The following RAB11A variants were observed in gnomAD, a reference collection of about 807,000 sequenced individuals.
RAB11A encodes ras-related protein Rab-11A.
RAB11A carries 9 observed loss-of-function variants against 28.0 expected under a neutral mutation model. That is an observed-to-expected ratio of 0.32 (90% CI 0.19 to 0.56). The LOEUF is 0.56. RAB11A is among the 20% of genes least tolerant of loss of function. RAB11A has a pLI of 0.91. For synonymous variants in RAB11A, 85 were observed against 88.2 expected (o/e 0.96, Z 0.20); for missense variants, 108 against 269.6 (o/e 0.40, Z 4.20).
At chr15:65,886,909 T>G (rs1405997903) in intron 4 of RAB11A, among the ~76,000 whole-genome samples, 1 of 152,242 alleles carries the variant, frequency 6.6e-6, no homozygotes, top group African/African-American at 2.4e-5. Context: ...AATTACAATT[T>G]AAGTTTTGTT....
intron 4 of RAB11A, among the ~76,000 whole-genome samples, chr15:65,880,178 T>A (rs1263628769): frequency 2.0e-5 from 3 of 152,204 alleles, no homozygotes; most frequent in Non-Finnish European, 4.4e-5. Context: ...AATTCTCCCA[T>A]GATACAGAAG....
At position 65,887,875 on chromosome 15, in the gene RAB11A, G is replaced by T; in HGVS notation, c.*35G>T. 6.7e-7 allele frequency: 1 copy of T among 1,501,040 alleles called. No homozygotes were observed. Among genetic ancestry groups the T allele is most frequent in the Non-Finnish European group, 8.9e-7 (1 of 1,124,096 alleles). 93.0% of individuals were successfully genotyped at this position (1,501,040 alleles called of 1,614,324 possible). The stretch of plus-strand genomic sequence containing the variant: ...CTTCTCCCCTAGAAGGCTGTGTATA[G>T]TCCATTTCCCAGGTCTGAGATTTAA... On this transcript the variant is annotated 3_prime_UTR_variant, in exon 5 of 5. Transcript: ENST00000261890.
chr15:65,876,531 AAG>A lies in RAB11A; in HGVS notation c.41-800_41-799del, dbSNP rs1455474401. Among the ~76,000 whole-genome samples the A allele has an allele frequency of 2.0e-5, 3 of 152,280 alleles. No individual in the cohort carries two copies. The East Asian group carries it at 5.8e-4, about 29-fold the overall frequency. On this transcript the variant is annotated intron_variant, in intron 1 of 4. Coordinates refer to ENST00000261890, the MANE Select transcript of RAB11A (RefSeq NM_004663.5). ...AGGCTAGTCTCGAACTCTTGGCGTC[AAG>A]CAATCCGCCCACCTTGGCCTTCCAA... is the stretch of plus-strand genomic sequence containing the variant.
chr15:65,874,911 G>A (rs2078182992), intron 1 of RAB11A, among the ~76,000 whole-genome samples: 1 of 152,170 alleles, frequency 6.6e-6, no homozygotes, highest in Admixed American at 6.5e-5. Context: ...AGCTGAGCGT[G>A]TTGGCATGTG....
intron 3 of RAB11A, 174 bp downstream of exon 3, chr15:65,878,129 C>A: frequency 1.4e-6 from 1 of 709,642 alleles, no homozygotes; most frequent in Non-Finnish European, 2.5e-6. Flanking sequence ...GTCATTAAAA[C>A]ACTAATATTT....
In RAB11A at chr15:65,877,688, C is replaced by T; in HGVS notation, c.237-74C>T. ...TAAGTATGTTTTTAAAACTCATGAT[C>T]CATATTTTGAGTTCTTCCTGGTGTT... On this transcript the variant is annotated intron_variant, in intron 2 of 4. Coordinates refer to ENST00000261890, the MANE Select transcript of RAB11A (RefSeq NM_004663.5). The surrounding 1 kb of genome is among the most constrained non-coding windows in gnomAD (Gnocchi z 4.1). The T allele has an allele frequency of 1.5e-6, 2 of 1,368,998 alleles. No individual in the cohort carries two copies. Among genetic ancestry groups the T allele is most frequent in the Non-Finnish European group, 2.0e-6 (2 of 1,000,840 alleles). The allele number at this position is 1,368,998 out of a possible 1,614,324, so 84.8% of individuals were successfully genotyped here. A position where few individuals can be genotyped will look rare whatever the true frequency, so the allele number is the denominator to read the frequency against.
intron 3 of RAB11A, among the ~76,000 whole-genome samples, chr15:65,878,410 G>A (rs1229988283): frequency 6.6e-6 from 1 of 152,180 alleles, no homozygotes; most frequent in Non-Finnish European, 1.5e-5. Context: ...GCGGCCGGGC[G>A]TGGTGGCTCA....
At chr15:65,879,192 CCT>C (rs1347341306) in intron 3 of RAB11A, among the ~76,000 whole-genome samples, 1 of 152,046 alleles carries the variant, frequency 6.6e-6, no homozygotes, top group Non-Finnish European at 1.5e-5. Context: ...GAGAGCAAAA[CCT>C]CTCTCCAGTG....
chr15:65,878,601 C>T (rs774696716), intron 3 of RAB11A, among the ~76,000 whole-genome samples: 1 of 152,178 alleles, frequency 6.6e-6, no homozygotes, highest in Non-Finnish European at 1.5e-5. Context: ...ATGGCGTGAA[C>T]CCGGGAGCAG....
Position 65,889,741 on chromosome 15 carries a change from A to G in RAB11A, c.*1901A>G, listed in dbSNP as rs2078276673. On this transcript the variant is annotated 3_prime_UTR_variant, in exon 5 of 5. Coordinates refer to ENST00000261890, the MANE Select transcript of RAB11A (RefSeq NM_004663.5). ...ATTGAAAGTTGGTGGTAGATTTTTT[A>G]CAAAGTAAGGAGAAAAGAGAAAAAC... 6.6e-6 allele frequency: 1 copy of G among 152,266 alleles called. No homozygotes were observed. Among genetic ancestry groups the G allele is most frequent in the Admixed American group, 6.5e-5 (1 of 15,288 alleles). The allele number at this position is 152,266 out of a possible 1,614,324, so 9.4% of individuals were successfully genotyped here.
At chr15:65,874,676 A>C (rs1811622974) in intron 1 of RAB11A, among the ~76,000 whole-genome samples, 1 of 152,086 alleles carries the variant, frequency 6.6e-6, no homozygotes, top group Non-Finnish European at 1.5e-5. Flanking sequence ...TGGTATAAGG[A>C]GTTGAGATTG....
intron 3 of RAB11A, 53 bp from the exon 4 acceptor site, chr15:65,879,618 C>T (rs2078209945): frequency 1.4e-6 from 2 of 1,392,238 alleles, no homozygotes; most frequent in African/African-American, 1.4e-5. Context: ...TTGAGTATAT[C>T]CTATTCCTTG....
At chr15:65,873,380 T>C (rs565754285) in intron 1 of RAB11A, among the ~76,000 whole-genome samples, 1 of 152,274 alleles carries the variant, frequency 6.6e-6, no homozygotes, top group African/African-American at 2.4e-5. Context: ...AGGTCAGTAG[T>C]AATTAACCAT....
At chr15:65,884,227 G>A (rs912776969) in intron 4 of RAB11A, among the ~76,000 whole-genome samples, 1 of 152,058 alleles carries the variant, frequency 6.6e-6, no homozygotes, top group Non-Finnish European at 1.5e-5. Context: ...GGGTGCCAAG[G>A]CTAAAGAAAA....
intron 4 of RAB11A, among the ~76,000 whole-genome samples, chr15:65,886,659 C>A (rs1182114616): frequency 6.6e-6 from 1 of 152,074 alleles, no homozygotes; most frequent in African/African-American, 2.4e-5. Flanking sequence ...AGTATAAGAC[C>A]AAACGTGTTA....
At chr15:65,882,288 G>C (rs941177424) in intron 4 of RAB11A, among the ~76,000 whole-genome samples, 1 of 152,216 alleles carries the variant, frequency 6.6e-6, no homozygotes, top group African/African-American at 2.4e-5. Flanking sequence ...GCAGGTGTTA[G>C]GATGTTTGTT....
intron 1 of RAB11A, among the ~76,000 whole-genome samples, chr15:65,871,164 C>G (rs78582271): frequency 0.074 from 11,045 of 149,500 alleles, 515 homozygotes; most frequent in Non-Finnish European, 0.099. Context: ...GGAAAGATTT[C>G]TTTGCTTTCC....
chr15:65,887,576 A>G (rs1220724769), intron 4 of RAB11A, 125 bp from the exon 5 acceptor site: 2 of 873,600 alleles, frequency 2.3e-6, no homozygotes. Context: ...CTTTAAATTT[A>G]TGTATTCTCT....
intron 1 of RAB11A, among the ~76,000 whole-genome samples, chr15:65,872,665 C>T (rs769535226): frequency 3.3e-5 from 5 of 151,952 alleles, no homozygotes; most frequent in Non-Finnish European, 5.9e-5. Context: ...AACTCCTGAC[C>T]TCAGGTGATC....
Sources: gnomAD v4.1 joint callset for allele counts (sites outside exome capture counted in the v4.1 genomes callset) on GRCh38, gnomAD v4.1.1 for gene constraint, Gnocchi (gnomAD v3.1) non-coding constraint, MANE v1.5 for transcripts, NCBI Gene and HGNC (gene_info 2026-07-23, HGNC 2026-07-21) for gene names.